Variants in INTS8 observed in about 807,000 individuals in gnomAD.
INTS8 encodes the protein protein kaonashi-1.
In INTS8, 47 loss-of-function variants were observed where a neutral mutation model predicts 138.9. That is an observed-to-expected ratio of 0.34 (90% confidence interval 0.27 to 0.43). INTS8 has a LOEUF of 0.43. INTS8 is among the 20% of genes least tolerant of loss of function. The probability of loss-of-function intolerance (pLI) is 1.00; values close to 1 mark genes in which losing one functional copy is unlikely to be tolerated. For missense variants in INTS8, 996 were observed against 1,173.0 expected (o/e 0.85, Z 2.20); for synonymous variants, 392 against 400.9 (o/e 0.98, Z 0.27).
At chr8:94,830,661 C>A (rs1352201826) in intron 5 of INTS8, among the ~76,000 whole-genome samples, 1 of 152,090 alleles carries the variant, frequency 6.6e-6, no homozygotes. Flanking sequence ...CCACACTAGA[C>A]TAATTTTTGT....
Position 94,848,871 on chromosome 8 carries a change from ATATAT to A in INTS8, c.1261-588_1261-584del, listed in dbSNP as rs1341058101. 4.6e-5 allele frequency among the ~76,000 whole-genome samples: 7 copies of A among 152,242 alleles called. No individual in the cohort carries two copies. The East Asian group carries it at 5.8e-4, about 13-fold the overall frequency. On this transcript the variant is annotated intron_variant, in intron 10 of 26. Transcript: ENST00000523731. ...ATTTTATTTTGGCTTCTTATAAATA[ATATAT>A]TAGGAGGAATCCTAATCTAATGAAT...
chr8:94,831,950 G>A (rs1269402906), intron 5 of INTS8, 42 bp from the exon 6 acceptor site: 3 of 1,493,088 alleles, frequency 2.0e-6, no homozygotes, highest in East Asian at 4.6e-5. Context: ...ATTATAATCA[G>A]TTGCTATTTT....
chr8:94,867,913 G>A (rs1477178569), intron 20 of INTS8: 1 of 152,092 alleles, frequency 6.6e-6, no homozygotes, highest in African/African-American at 2.4e-5. Context: ...TGGAAAATTG[G>A]GGCCAATGAA....
At chr8:94,825,981 C>T (rs755197294) in intron 2 of INTS8, among the ~76,000 whole-genome samples, 2 of 151,938 alleles carry the variant, frequency 1.3e-5, no homozygotes, top group East Asian at 3.9e-4. Context: ...GGAGAGAATT[C>T]CGTTGTATGG....
At chr8:94,841,422 G>A (rs184287892) in intron 8 of INTS8, 69 bp from the exon 9 acceptor site, 1 of 681,766 alleles carries the variant, frequency 1.5e-6, no homozygotes, top group South Asian at 2.0e-5. Context: ...ATTATAGAAA[G>A]ACTTGTTTAA....
intron 5 of INTS8, among the ~76,000 whole-genome samples, chr8:94,829,449 A>G (rs953678344): frequency 1.3e-5 from 2 of 152,058 alleles, no homozygotes; most frequent in African/African-American, 4.8e-5. Context: ...TAATGCCCCC[A>G]TTGATCTGAC....
intron 9 of INTS8, 104 bp from the exon 10 acceptor site, chr8:94,842,243 C>T (rs1275712153): frequency 1.5e-6 from 1 of 649,580 alleles, no homozygotes. Flanking sequence ...TAAAATCTTA[C>T]CTCTTAAGAA....
In INTS8 at chr8:94,841,510, T is replaced by A; in HGVS notation, c.1037T>A (p.Ile346Asn). The change falls in exon 9 of 27, where the codon ATT becomes AAT. Residue 346 changes from isoleucine to asparagine, a missense_variant. Coordinates refer to ENST00000523731, the MANE Select transcript of INTS8 (RefSeq NM_017864.4). Reference sequence around the variant, plus strand: ...TTCTAGGAGGTAATACAGATTTTCATTGAAGACAACTTAACCTTGAGTTTA... The same window carrying A: ...TTCTAGGAGGTAATACAGATTTTCAATGAAGACAACTTAACCTTGAGTTTA... The part of the protein sequence containing the change: ...GNYQEVIQIF[I>N]EDNLTLSLPV... 1.3e-6 allele frequency: 2 copies of A among 1,599,616 alleles called. No homozygotes were observed. Among genetic ancestry groups the A allele is most frequent in the Non-Finnish European group, 1.7e-6 (2 of 1,169,928 alleles).
At chr8:94,873,922 C>G (rs1284721487) in intron 22 of INTS8, among the ~76,000 whole-genome samples, 1 of 152,052 alleles carries the variant, frequency 6.6e-6, no homozygotes, top group Non-Finnish European at 1.5e-5. Flanking sequence ...GATTCTATCT[C>G]CTAAATCCCT....
Position 94,841,591 on chromosome 8 carries a change from G to A in INTS8, c.1118G>A (p.Gly373Glu). The change falls in exon 9 of 27, where the codon GGA (glycine) becomes GAA (glutamate). Residue 373 changes from glycine (G) to glutamate (E), a missense_variant and splice_region_variant. Transcript: ENST00000523731. ...LRELFKKAQQGNEALDEICFK... is the reference protein window; with the variant it reads ...LRELFKKAQQENEALDEICFK... Reference sequence around the variant, plus strand: ...GAACTCTTTAAGAAAGCTCAACAGGGGTAAGTAAGTTGAAAAATTACTTCT... The same window carrying A: ...GAACTCTTTAAGAAAGCTCAACAGGAGTAAGTAAGTTGAAAAATTACTTCT... 1 of 1,509,794 alleles carries A rather than the reference G, an allele frequency of 6.6e-7. No homozygotes were observed. Among genetic ancestry groups the A allele is most frequent in the Non-Finnish European group, 9.1e-7 (1 of 1,101,338 alleles). 93.5% of individuals were successfully genotyped at this position (1,509,794 alleles called of 1,614,324 possible).
chr8:94,850,156 G>A, intron 12 of INTS8, 65 bp downstream of exon 12: 1 of 1,097,050 alleles, frequency 9.1e-7, no homozygotes, highest in Non-Finnish European at 1.3e-6. Flanking sequence ...AATTAACCTT[G>A]AAATATATTT....
At chr8:94,867,491 C>A in intron 20 of INTS8, 154 bp downstream of exon 20, 3 of 516,186 alleles carry the variant, frequency 5.8e-6, no homozygotes, top group Non-Finnish European at 6.9e-6. Context: ...TGATAATTAT[C>A]TTCCTGTAAA....
chr8:94,850,672 A>G (rs1431229524), intron 12 of INTS8, among the ~76,000 whole-genome samples: 2 of 151,562 alleles, frequency 1.3e-5, no homozygotes, highest in Middle Eastern at 3.2e-3. Context: ...CACTGCTGCC[A>G]GTATGTTCAT....
chr8:94,832,308 A>T (rs1475072822), intron 6 of INTS8, 134 bp downstream of exon 6: 1 of 633,174 alleles, frequency 1.6e-6, no homozygotes, highest in Non-Finnish European at 2.7e-6. Context: ...ATTGTATTTA[A>T]TTTATACATT....
intron 15 of INTS8, among the ~76,000 whole-genome samples, chr8:94,857,269 A>G (rs1281130885): frequency 1.3e-5 from 2 of 151,952 alleles, no homozygotes; most frequent in African/African-American, 2.4e-5. Flanking sequence ...ATGGGGTTTC[A>G]CTATGTTGGC....
Position 94,880,691 on chromosome 8 carries a change from T to C in INTS8, c.*457T>C, listed in dbSNP as rs1816774880. 2.5e-6 allele frequency: 1 copy of C among 394,806 alleles called. No individual in the cohort carries two copies. The highest frequency in any genetic ancestry group is 2.1e-5 in the African/African-American group (1 of 48,508). 24.5% of individuals were successfully genotyped at this position (394,806 alleles called of 1,614,324 possible). ...CTTTATCACTTTGACACTGTCCTTA[T>C]CTCACAATGGAGGAATTTAGAAAGG... is the stretch of plus-strand genomic sequence containing the variant. On this transcript the variant is annotated 3_prime_UTR_variant, in exon 27 of 27. Transcript: ENST00000523731.
intron 13 of INTS8, among the ~76,000 whole-genome samples, chr8:94,853,533 A>G (rs991829729): frequency 7.2e-5 from 11 of 152,076 alleles, no homozygotes; most frequent in Admixed American, 2.0e-4. Context: ...TATTGTTGTG[A>G]GGATTACCTG....
At chr8:94,825,513 G>T (rs1434491159) in intron 2 of INTS8, among the ~76,000 whole-genome samples, 1 of 151,820 alleles carries the variant, frequency 6.6e-6, no homozygotes, top group African/African-American at 2.4e-5. Flanking sequence ...GGTAACTAGA[G>T]AAAATCCACA....
chr8:94,877,096 G>A (rs1816589340), intron 26 of INTS8, among the ~76,000 whole-genome samples: 2 of 152,134 alleles, frequency 1.3e-5, no homozygotes, highest in African/African-American at 4.8e-5. Flanking sequence ...AGGAGGGTAA[G>A]GACTTGTTTT....
Sources: gnomAD v4.1 joint callset for allele counts (sites outside exome capture counted in the v4.1 genomes callset) on GRCh38, gnomAD v4.1.1 for gene constraint, MANE v1.5 for transcripts, NCBI Gene and HGNC (gene_info 2026-07-23, HGNC 2026-07-21) for gene names.